Variants in MAGI1 observed in about 807,000 individuals in gnomAD.
MAGI1 encodes the protein membrane associated guanylate kinase, WW and PDZ domain containing 1.
MAGI1 carries 58 observed loss-of-function variants against 139.9 expected under a neutral mutation model. That is an observed-to-expected ratio of 0.41 (90% CI 0.34 to 0.52). The LOEUF (loss-of-function observed/expected upper bound fraction) is 0.52, where lower values mean the gene tolerates loss of function less well. Among genes scored for constraint, MAGI1 ranks in the 20% least tolerant of loss-of-function variants. The pLI is 0.12. For synonymous variants in MAGI1, 812 were observed against 737.9 expected (o/e 1.10, Z -1.63); for missense variants, 1,874 against 1,901.6 (o/e 0.99, Z 0.27).
At chr3:66,016,566 A>C (rs1490254052) in intron 1 of MAGI1, among the ~76,000 whole-genome samples, 1 of 152,214 alleles carries the variant, frequency 6.6e-6, no homozygotes, top group Non-Finnish European at 1.5e-5. Context: ...TATGTGCCCC[A>C]GCACCGGAGC....
intron 2 of MAGI1, among the ~76,000 whole-genome samples, chr3:65,565,856 CAAA>C (rs766254957): frequency 9.6e-5 from 9 of 93,906 alleles, no homozygotes; most frequent in Admixed American, 2.4e-4. Context: ...GACTCCGTGT[CAAA>C]AAAAAAAAAA....
Position 65,493,646 on chromosome 3 carries a change from A to G in MAGI1, c.431-15T>C, listed in dbSNP as rs558700656. 2.5e-6 allele frequency: 4 copies of G among 1,613,742 alleles called. No homozygotes were observed. Among genetic ancestry groups the G allele is most frequent in the Non-Finnish European group, 8.5e-7 (1 of 1,180,002 alleles). On this transcript the variant is annotated splice_polypyrimidine_tract_variant and intron_variant, in intron 2 of 22. Coordinates refer to ENST00000402939, the MANE Select transcript of MAGI1 (RefSeq NM_001033057.2). ...TCGGGTTGTGCCTGTAGCAGAAAAT[A>G]CAAAGGCACAACAAACCATCAATCA...
chr3:65,597,492 A>AT (rs972727934), intron 2 of MAGI1, among the ~76,000 whole-genome samples: 130 of 145,700 alleles, frequency 8.9e-4, no homozygotes, highest in African/African-American at 3.0e-3. Flanking sequence ...CTGACCTCTG[A>AT]TTTTTTTTTC....
chr3:65,707,712 T>G (rs929854145), intron 1 of MAGI1, among the ~76,000 whole-genome samples: 3 of 141,618 alleles, frequency 2.1e-5, no homozygotes, highest in South Asian at 4.5e-4. Context: ...AAAAAAAAAG[T>G]TGGCAAAAGA....
intron 1 of MAGI1, among the ~76,000 whole-genome samples, chr3:65,818,321 C>A (rs890478114): frequency 6.6e-6 from 1 of 152,136 alleles, no homozygotes; most frequent in Admixed American, 6.5e-5. Context: ...AAGCACCATA[C>A]CAGGTGCTGG....
chr3:65,368,840 C>G (rs73125505), intron 18 of MAGI1, among the ~76,000 whole-genome samples: 5,147 of 152,220 alleles, frequency 0.034, 127 homozygotes, highest in South Asian at 0.049. Context: ...AATTTAGGAC[C>G]ATTATTCAAA....
In MAGI1 at chr3:65,797,441, G is replaced by A. The variant is rs142900200; in HGVS notation, c.314-175353C>T. ...AATGAGAAGAAAGAAAACAGAAACC[G>A]GCCAGGCACACTGGCTCATACTTGT... is the stretch of plus-strand genomic sequence containing the variant. On this transcript the variant is annotated intron_variant, in intron 1 of 22. Transcript: ENST00000402939. 7.9e-4 allele frequency among the ~76,000 whole-genome samples: 121 copies of A among 152,204 alleles called. No homozygotes were observed. In the East Asian group the frequency reaches 0.015, roughly 19 times the overall value.
chr3:65,504,201 T>C (rs577394341), intron 2 of MAGI1, among the ~76,000 whole-genome samples: 195 of 152,260 alleles, frequency 1.3e-3, no homozygotes, highest in Middle Eastern at 3.4e-3. Flanking sequence ...TCCTTATCTG[T>C]AAAACAAAAA....
chr3:65,609,749 T>C (rs772548311), intron 2 of MAGI1: 1 of 330,356 alleles, frequency 3.0e-6, no homozygotes, highest in Non-Finnish European at 6.1e-6. Context: ...CATACCTGGG[T>C]AATTTTTTGT....
Position 65,919,684 on chromosome 3 carries a change from TC to T in MAGI1, c.313+118311del, listed in dbSNP as rs1246788845. Among the ~76,000 whole-genome samples the T allele has an allele frequency of 3.2e-3, 43 of 13,424 alleles. No homozygotes were observed. The African/African-American group carries it at 0.066, about 20-fold the overall frequency. The allele number at this position is 13,424 out of a possible 152,430, so 8.8% of individuals were successfully genotyped here. ...CATTCTCTCATTCTCTCTCCTTCTC[TC>T]TCTCTCTCTCTCTCTCTCTCTCTCA... On this transcript the variant is annotated intron_variant, in intron 1 of 22. Transcript: ENST00000402939.
chr3:65,650,587 G>T (rs576852290), intron 1 of MAGI1, among the ~76,000 whole-genome samples: 15 of 152,220 alleles, frequency 9.9e-5, no homozygotes, highest in Non-Finnish European at 1.9e-4. Flanking sequence ...GCACATCCCT[G>T]TGTTAACACC....
chr3:65,765,209 A>G (rs1200595768), intron 1 of MAGI1, among the ~76,000 whole-genome samples: 1 of 152,200 alleles, frequency 6.6e-6, no homozygotes, highest in East Asian at 1.9e-4. Context: ...CTGTTGTAGA[A>G]TAAAAACATT....
At chr3:65,459,842 T>C (rs1226701112) in intron 5 of MAGI1, among the ~76,000 whole-genome samples, 1 of 152,122 alleles carries the variant, frequency 6.6e-6, no homozygotes, top group Non-Finnish European at 1.5e-5. Flanking sequence ...GAGAATCACC[T>C]GAGCTCAGAG....
chr3:65,420,667 A>G (rs1346325357), intron 12 of MAGI1, among the ~76,000 whole-genome samples: 1 of 152,128 alleles, frequency 6.6e-6, no homozygotes, highest in Non-Finnish European at 1.5e-5. Flanking sequence ...CCACACTTAA[A>G]TAAAAGCACA....
intron 18 of MAGI1, chr3:65,371,758 A>C (rs1942024551): frequency 4.8e-6 from 1 of 208,296 alleles, no homozygotes; most frequent in East Asian, 1.4e-4. Context: ...AAAGTTTGCA[A>C]CATCTTTACC....
At chr3:65,494,154 T>C (rs1952253669) in intron 2 of MAGI1, among the ~76,000 whole-genome samples, 1 of 152,164 alleles carries the variant, frequency 6.6e-6, no homozygotes, top group African/African-American at 2.4e-5. Context: ...TTGCCTGAGA[T>C]CTGTGGTTGG....
rs150383800 is a variant in MAGI1 at position 65,379,336 on chromosome 3, G to A, written c.2920C>T (p.Arg974Trp). Residue 974 changes from arginine to tryptophan, a missense_variant, in exon 17 of 23, where the codon CGG becomes TGG. Arg to Trp is a moderately radical substitution (Grantham distance 101, BLOSUM62 -3). Transcript: ENST00000402939. ...CCGAAGCCCTCGTTCTCCCCGCGCC[G>A]GATCTCCACGTCGTAGGGCTGCACC... ...TVVQPYDVEIRRGENEGFGFV... is the reference protein window; with the variant it reads ...TVVQPYDVEIWRGENEGFGFV... 5 of 1,612,892 alleles carry A rather than the reference G, an allele frequency of 3.1e-6. No individual in the cohort carries two copies. Among genetic ancestry groups the A allele is most frequent in the African/African-American group, 1.3e-5 (1 of 74,762 alleles).
chr3:65,439,817 A>C, intron 9 of MAGI1, 62 bp downstream of exon 9: 4 of 1,600,864 alleles, frequency 2.5e-6, no homozygotes, highest in Non-Finnish European at 3.4e-6. Context: ...CGAGGGTGTC[A>C]GCGCTCAGAT....
At chr3:66,028,895 C>T (rs527539818) in intron 1 of MAGI1, among the ~76,000 whole-genome samples, 3 of 152,302 alleles carry the variant, frequency 2.0e-5, no homozygotes, top group South Asian at 2.1e-4. Flanking sequence ...CTGCAATCTC[C>T]ATCTCTCAAG....
Sources: allele counts gnomAD v4.1 joint callset (sites outside exome capture counted in the v4.1 genomes callset), GRCh38; gene constraint gnomAD v4.1.1; transcripts MANE v1.5; gene names NCBI Gene and HGNC (gene_info 2026-07-23, HGNC 2026-07-21).